ZFPM1: variants seen among roughly 807,000 people sequenced by gnomAD.
ZFPM1 encodes the protein zinc finger protein, FOG family member 1.
Under a neutral mutation model 46.3 loss-of-function variants are expected in ZFPM1, and 28 were observed. That is an observed-to-expected ratio of 0.60 (90% CI 0.45 to 0.83). The LOEUF (loss-of-function observed/expected upper bound fraction) is 0.83, where lower values mean the gene tolerates loss of function less well. Among genes scored for constraint, ZFPM1 ranks in the 40% least tolerant of loss-of-function variants. The pLI is 0.00. For missense variants in ZFPM1, 1,878 were observed against 1,432.4 expected (o/e 1.31, Z -5.02); for synonymous variants, 957 against 675.9 (o/e 1.42, Z -6.45).
chr16:88,468,904 AC>A lies in ZFPM1; in HGVS notation c.40+15228del, dbSNP rs201757903. The A allele has an allele frequency of 5.9e-3, 910 of 153,364 alleles. 9 individuals carry two copies. The highest frequency in any genetic ancestry group is 0.021 in the African/African-American group (875 of 41,566). 9.5% of individuals were successfully genotyped at this position (153,364 alleles called of 1,614,324 possible). On this transcript the variant is annotated intron_variant, in intron 1 of 9. Coordinates refer to ENST00000319555, the MANE Select transcript of ZFPM1 (RefSeq NM_153813.3). ...ACGGGAGACCTCTGCCACCACCACCACCGGCTCTGGAAGGGCCCGCCTTTTA... is the reference window on the plus strand; with the variant it reads ...ACGGGAGACCTCTGCCACCACCACCACGGCTCTGGAAGGGCCCGCCTTTTA...
At chr16:88,460,254 C>T (rs1226164521) in intron 1 of ZFPM1, among the ~76,000 whole-genome samples, 3 of 152,172 alleles carry the variant, frequency 2.0e-5, no homozygotes, top group African/African-American at 4.8e-5. Flanking sequence ...CAGGGTTTAT[C>T]GAGGGTCCCC....
At chr16:88,508,470 G>A (rs1910778933) in intron 3 of ZFPM1, among the ~76,000 whole-genome samples, 1 of 152,248 alleles carries the variant, frequency 6.6e-6, no homozygotes, top group African/African-American at 2.4e-5. Context: ...TGGCTGCAGA[G>A]CAGGCCACAG....
intron 3 of ZFPM1, among the ~76,000 whole-genome samples, chr16:88,501,856 C>G (rs1910361295): frequency 6.6e-6 from 1 of 152,128 alleles, no homozygotes; most frequent in African/African-American, 2.4e-5. Flanking sequence ...CCTGCCACTG[C>G]TGTTTGCCAT....
intron 3 of ZFPM1, among the ~76,000 whole-genome samples, chr16:88,514,135 G>A (rs776121280): frequency 5.3e-5 from 8 of 152,132 alleles, no homozygotes; most frequent in Admixed American, 1.3e-4. Flanking sequence ...AACGACCATC[G>A]CAGGGCTCAC....
intron 3 of ZFPM1, among the ~76,000 whole-genome samples, chr16:88,503,425 C>A (rs1597257404): frequency 7.9e-6 from 1 of 126,936 alleles, no homozygotes; most frequent in African/African-American, 3.4e-5. Context: ...TCTGGGGGGC[C>A]CACGGTTCCG....
At chr16:88,482,805 C>T (rs977217572) in intron 1 of ZFPM1, among the ~76,000 whole-genome samples, 1 of 152,180 alleles carries the variant, frequency 6.6e-6, no homozygotes, top group Non-Finnish European at 1.5e-5. Context: ...ACAGAAAGCC[C>T]GGGCCTCTAG....
Position 88,533,600 on chromosome 16 carries a change from G to A in ZFPM1, c.1642G>A (p.Glu548Lys), listed in dbSNP as rs745311044. 6 of 1,492,598 alleles carry A rather than the reference G, an allele frequency of 4.0e-6. No homozygotes were observed. Among genetic ancestry groups the A allele is most frequent in the Non-Finnish European group, 5.4e-6 (6 of 1,120,580 alleles). 92.5% of individuals were successfully genotyped at this position (1,492,598 alleles called of 1,614,324 possible). The stretch of plus-strand genomic sequence containing the variant: ...CTCGGAGATCCTGGCCAAGATGTCC[G>A]AGCTGGTGCACAGCCGGCTGCAGCA... ...PASEILAKMS[E>K]LVHSRLQQGA... Residue 548 changes from glutamate to lysine, a missense_variant, in exon 10 of 10, where the codon GAG becomes AAG. By Grantham distance (56) the Glu-to-Lys change is moderately conservative. Coordinates refer to ENST00000319555, the MANE Select transcript of ZFPM1 (RefSeq NM_153813.3).
chr16:88,475,227 G>T (rs192012062), intron 1 of ZFPM1, among the ~76,000 whole-genome samples: 1 of 152,382 alleles, frequency 6.6e-6, no homozygotes, highest in Admixed American at 6.5e-5. Flanking sequence ...TGTCGAGGGT[G>T]CCCTGGCTTC....
intron 3 of ZFPM1, among the ~76,000 whole-genome samples, chr16:88,512,349 C>T (rs1417968349): frequency 1.3e-5 from 2 of 152,116 alleles, no homozygotes; most frequent in East Asian, 1.9e-4. Context: ...GCTCCTCCTA[C>T]CCCTGGAAAG....
Position 88,485,980 on chromosome 16 carries a change from G to A in ZFPM1, c.82G>A (p.Val28Met). ...GGAGGCCAGAGAGGAGGTGCAGTTGGTGGGTGCCAGCCACATGGAGCAAAA... is the reference window on the plus strand; with the variant it reads ...GGAGGCCAGAGAGGAGGTGCAGTTGATGGGTGCCAGCCACATGGAGCAAAA... Reference protein sequence around the residue: ...DMEAREEVQLVGASHMEQKAT... With the variant: ...DMEAREEVQLMGASHMEQKAT... Residue 28 changes from valine to methionine, a missense_variant, in exon 2 of 10, where the codon GTG (valine) becomes ATG (methionine). Val to Met is a conservative substitution (Grantham distance 21). Coordinates refer to ENST00000319555, the MANE Select transcript of ZFPM1 (RefSeq NM_153813.3). 6.2e-7 allele frequency: 1 copy of A among 1,612,854 alleles called. No individual in the cohort carries two copies. The highest frequency in any genetic ancestry group is 8.5e-7 in the Non-Finnish European group (1 of 1,179,912).
chr16:88,504,558 G>T (rs192395621), intron 3 of ZFPM1, among the ~76,000 whole-genome samples: 5 of 152,230 alleles, frequency 3.3e-5, no homozygotes, highest in Middle Eastern at 3.4e-3. Context: ...GCGAGGTGCC[G>T]CAGAGTGGCA....
Position 88,534,098 on chromosome 16 carries a change from C to T in ZFPM1, c.2140C>T (p.Pro714Ser). ...YYCASRHDPP[P>S]RRPAAPPGPP... is the part of the protein sequence containing the mutation. ...CTGCGCCTCGCGCCACGACCCGCCG[C>T]CGCGCCGACCGGCCGCGCCCCCGGG... The change falls in exon 10 of 10, where the codon CCG becomes TCG. Residue 714 changes from proline to serine, a missense_variant. Transcript: ENST00000319555. The T allele has an allele frequency of 8.4e-7, 1 of 1,183,562 alleles. No individual in the cohort carries two copies. The highest frequency in any genetic ancestry group is 1.7e-5 in the South Asian group (1 of 60,318). The allele number at this position is 1,183,562 out of a possible 1,614,324, so 73.3% of individuals were successfully genotyped here. A position where few individuals can be genotyped will look rare whatever the true frequency, so the allele number is the denominator to read the frequency against.
intron 6 of ZFPM1, among the ~76,000 whole-genome samples, chr16:88,531,637 G>A (rs914394582): frequency 6.6e-6 from 1 of 152,122 alleles, no homozygotes; most frequent in African/African-American, 2.4e-5. Context: ...ACGGCCTCCC[G>A]GGTCCACACG....
At chr16:88,459,634 C>G in intron 1 of ZFPM1, among the ~76,000 whole-genome samples, 1 of 126,972 alleles carries the variant, frequency 7.9e-6, no homozygotes. Context: ...TCCCCAGCAG[C>G]CTAACGCCCA....
At chr16:88,526,460 C>CACAGATAT (rs374068564) in intron 4 of ZFPM1, among the ~76,000 whole-genome samples, 2 of 152,108 alleles carry the variant, frequency 1.3e-5, no homozygotes, top group African/African-American at 2.4e-5. Context: ...AACACAGATA[C>CACAGATAT]GCAGACCCGG....
chr16:88,471,790 G>A lies in ZFPM1; in HGVS notation c.41-14149G>A, dbSNP rs569042993. Among the ~76,000 whole-genome samples the A allele has an allele frequency of 8.5e-5, 13 of 152,392 alleles. No homozygotes were observed. The highest frequency in any genetic ancestry group is 3.1e-4 in the African/African-American group (13 of 41,598). On this transcript the variant is annotated intron_variant, in intron 1 of 9. Transcript: ENST00000319555. This position sits in a 1 kb window ranked among gnomAD's most constrained non-coding sequence, Gnocchi z 4.1. ...CACAGACACCTGAGCCTGTGACTAA[G>A]ACTAAGGCTGTGTGTCCATCTCTGT...
chr16:88,497,725 T>C lies in ZFPM1; in HGVS notation c.268+8572T>C, dbSNP rs1306705418. The stretch of plus-strand genomic sequence containing the variant: ...GAGGCGGGAGGAGGGCTCTGTCCAC[T>C]ATTTCCTGCCTGAGGCCCACGAAGG... On this transcript the variant is annotated intron_variant, in intron 3 of 9. Transcript: ENST00000319555. The surrounding 1 kb of genome is among the most constrained non-coding windows in gnomAD (Gnocchi z 5.4). 2.0e-5 allele frequency among the ~76,000 whole-genome samples: 3 copies of C among 152,072 alleles called. No individual in the cohort carries two copies. The highest frequency in any genetic ancestry group is 7.2e-5 in the African/African-American group (3 of 41,398).
intron 1 of ZFPM1, among the ~76,000 whole-genome samples, chr16:88,476,633 G>C (rs1908700217): frequency 6.6e-6 from 1 of 152,156 alleles, no homozygotes; most frequent in Non-Finnish European, 1.5e-5. Context: ...TTTCAGCAGA[G>C]GAGGTGAGGG....
intron 4 of ZFPM1, among the ~76,000 whole-genome samples, chr16:88,522,495 C>T (rs900414536): frequency 6.6e-6 from 1 of 152,196 alleles, no homozygotes; most frequent in African/African-American, 2.4e-5. Context: ...CTCCATGGGC[C>T]GGGCCACCCC....
Sources: allele counts gnomAD v4.1 joint callset (sites outside exome capture counted in the v4.1 genomes callset), GRCh38; gene constraint gnomAD v4.1.1; non-coding constraint Gnocchi (gnomAD v3.1); transcripts MANE v1.5; gene names NCBI Gene and HGNC (gene_info 2026-07-23, HGNC 2026-07-21).